COL28A1: variants seen among roughly 807,000 people sequenced by gnomAD.
COL28A1 encodes the protein collagen type XXVIII alpha 1 chain, also known as collagen alpha-1(XXVIII) chain.
A neutral mutation model predicts 150.2 loss-of-function variants in COL28A1; 161 were observed. The observed-to-expected ratio is 1.07, with a 90% CI of 0.94 to 1.22. COL28A1 has a LOEUF of 1.22. COL28A1 is among the 50% of genes most tolerant of loss of function. The probability of loss-of-function intolerance (pLI) is 0.00; values close to 1 mark genes in which losing one functional copy is unlikely to be tolerated. For missense variants in COL28A1, 1,617 were observed against 1,388.3 expected (o/e 1.16, Z -2.62); for synonymous variants, 552 against 469.7 (o/e 1.18, Z -2.26).
chr7:7,449,954 C>T (rs1418368024), intron 18 of COL28A1, among the ~76,000 whole-genome samples: 1 of 152,024 alleles, frequency 6.6e-6, no homozygotes, highest in East Asian at 1.9e-4. Context: ...AACCCTAAAA[C>T]ATGTATCTTA....
At chr7:7,518,833 C>T (rs1304226878) in intron 6 of COL28A1, among the ~76,000 whole-genome samples, 2 of 152,234 alleles carry the variant, frequency 1.3e-5, no homozygotes, top group African/African-American at 2.4e-5. Context: ...ATGTAAGTAT[C>T]ACTACTAAAG....
Position 7,381,550 on chromosome 7 carries a change from G to T in COL28A1, c.2199C>A (p.Gly733=). The T allele has an allele frequency of 6.2e-7, 1 of 1,612,868 alleles. No homozygotes were observed. Among genetic ancestry groups the T allele is most frequent in the Non-Finnish European group, 8.5e-7 (1 of 1,178,934 alleles). The part of the protein sequence containing the change: ...PKGTMGHGLP[G]QKGEHGERGD... ...AAGATCCTGAGACACTTACCTTCTGGCCTGGGAGGCCATGGCCCATTGTGC... is the reference window on the plus strand; with the variant it reads ...AAGATCCTGAGACACTTACCTTCTGTCCTGGGAGGCCATGGCCCATTGTGC... Residue 733 remains glycine, a synonymous_variant, in exon 28 of 35, where the codon GGC becomes GGA. Coordinates refer to ENST00000399429, the MANE Select transcript of COL28A1 (RefSeq NM_001037763.3).
At chr7:7,353,742 T>A (rs914854832), downstream of COL28A1, among the ~76,000 whole-genome samples, 5 of 152,108 alleles carry the variant, frequency 3.3e-5, no homozygotes, top group Non-Finnish European at 7.4e-5. Flanking sequence ...ACAACATGCT[T>A]CCATATCAGT....
intron 25 of COL28A1, among the ~76,000 whole-genome samples, chr7:7,425,616 A>G (rs1784610227): frequency 6.6e-6 from 1 of 152,182 alleles, no homozygotes; most frequent in African/African-American, 2.4e-5. Context: ...CTCTCTTCTT[A>G]TCCATCCTAC....
intron 27 of COL28A1, among the ~76,000 whole-genome samples, chr7:7,400,381 A>C (rs1041256022): frequency 6.6e-6 from 1 of 152,214 alleles, no homozygotes; most frequent in Non-Finnish European, 1.5e-5. Context: ...CAGACAGAAA[A>C]GATGGAAACC....
Position 7,426,253 on chromosome 7 carries a change from T to A in COL28A1, c.1998+6220A>T, listed in dbSNP as rs557467394. ...CAAAGTGATGATAGCAGCTGCCTTA[T>A]GTTTCTTTCTTTCTGGTTTTTAAAT... On this transcript the variant is annotated intron_variant, in intron 25 of 34. Coordinates refer to ENST00000399429, the MANE Select transcript of COL28A1 (RefSeq NM_001037763.3). Among the ~76,000 whole-genome samples the A allele has an allele frequency of 2.0e-5, 3 of 152,344 alleles. No individual in the cohort carries two copies. The South Asian group carries it at 6.2e-4, about 32-fold the overall frequency.
chr7:7,533,263 C>T (rs1005053119), intron 1 of COL28A1, among the ~76,000 whole-genome samples: 1 of 152,144 alleles, frequency 6.6e-6, no homozygotes, highest in African/African-American at 2.4e-5. Flanking sequence ...TCTGCTTTGA[C>T]ATTTCCAAAT....
intron 13 of COL28A1, 129 bp from the exon 14 acceptor site, chr7:7,477,309 T>C (rs1788978490): frequency 3.0e-6 from 2 of 660,322 alleles, no homozygotes; most frequent in South Asian, 1.8e-5. Flanking sequence ...AAATGGATAG[T>C]TGGATCTGTA....
chr7:7,487,212 G>A (rs184984480), intron 13 of COL28A1, among the ~76,000 whole-genome samples: 1 of 152,202 alleles, frequency 6.6e-6, no homozygotes, highest in East Asian at 1.9e-4. Flanking sequence ...TAAGTTTAGT[G>A]CTGAGTTTGG....
rs1784190100 is a variant in COL28A1 at position 7,417,867 on chromosome 7, CCT to C, written c.2126_2127del (p.Gln709ArgfsTer3). On this transcript the variant is annotated frameshift_variant, in exon 27 of 35. Coordinates refer to ENST00000399429, the MANE Select transcript of COL28A1 (RefSeq NM_001037763.3). LOFTEE classifies it high-confidence loss of function. ...CAACCCTATTCACTTACTTTAATTC[CCT>C]GTGATCCATAGCCAGGGGGGCCAGG... ...GPPGPPGYGS[Q>X]GIKGEQGPQG... 1.9e-6 allele frequency: 3 copies of C among 1,613,332 alleles called. No individual in the cohort carries two copies. Among genetic ancestry groups the C allele is most frequent in the Non-Finnish European group, 2.5e-6 (3 of 1,179,602 alleles).
chr7:7,375,414 T>C (rs1781489650), intron 31 of COL28A1, 47 bp downstream of exon 31: 1 of 1,535,974 alleles, frequency 6.5e-7, no homozygotes, highest in Non-Finnish European at 8.9e-7. Context: ...CAGTACATAG[T>C]GGGGCTGATG....
intron 13 of COL28A1, among the ~76,000 whole-genome samples, chr7:7,485,335 T>C (rs1203618937): frequency 1.3e-5 from 2 of 151,936 alleles, no homozygotes; most frequent in Non-Finnish European, 1.5e-5. Context: ...GTTTTGAGAA[T>C]TTTTTTTAAA....
chr7:7,339,375 G>A, the COL28A1 span, among the ~76,000 whole-genome samples: 2 of 152,050 alleles, frequency 1.3e-5, no homozygotes, highest in African/African-American at 4.8e-5. Flanking sequence ...CTCTGTATCT[G>A]TCCTGTTGTT....
chr7:7,353,077 A>G (rs1247043763), downstream of COL28A1, among the ~76,000 whole-genome samples: 2 of 152,216 alleles, frequency 1.3e-5, no homozygotes, highest in African/African-American at 4.8e-5. Flanking sequence ...AGTAAAAGGC[A>G]TTAGGTACCT....
chr7:7,345,038 G>C, the COL28A1 span, among the ~76,000 whole-genome samples: 1 of 151,824 alleles, frequency 6.6e-6, no homozygotes, highest in Non-Finnish European at 1.5e-5. Flanking sequence ...TTCGCCTGAA[G>C]AGGTGTCTGT....
Position 7,489,462 on chromosome 7 carries a change from G to A in COL28A1, c.1096-5C>T, listed in dbSNP as rs1457712054. The stretch of plus-strand genomic sequence containing the variant: ...TCCTTCTTGGCCTCTTTCTCCCTAA[G>A]AGAAAGAAATAATAGAATGAAAGCT... On this transcript the variant is annotated splice_region_variant and splice_polypyrimidine_tract_variant and intron_variant, in intron 12 of 34. Transcript: ENST00000399429. The A allele has an allele frequency of 1.6e-6, 2 of 1,232,190 alleles. No individual in the cohort carries two copies. 76.3% of individuals were successfully genotyped at this position (1,232,190 alleles called of 1,614,324 possible). A position where few individuals can be genotyped will look rare whatever the true frequency, so the allele number is the denominator to read the frequency against.
At chr7:7,523,458 G>A (rs562474611) in intron 4 of COL28A1, among the ~76,000 whole-genome samples, 62 of 147,708 alleles carry the variant, frequency 4.2e-4, no homozygotes, top group East Asian at 2.8e-3. Flanking sequence ...ATGCCTGGCC[G>A]TTTTTTTTTT....
intron 8 of COL28A1, 150 bp from the exon 9 acceptor site, chr7:7,511,285 G>T: frequency 1.7e-6 from 1 of 586,840 alleles, no homozygotes. Flanking sequence ...CAATACTGTG[G>T]GTTTTATGGG....
rs138915927 is a variant in COL28A1 at position 7,388,212 on chromosome 7, C to T, written c.2137-6600G>A. ...GGTGTGTGATGTTCCCCTCCCTGTA[C>T]CCATGTGTTCTCATTTTTCAACTCC... is the stretch of plus-strand genomic sequence containing the variant. On this transcript the variant is annotated intron_variant, in intron 27 of 34. Transcript: ENST00000399429. 2.2e-3 allele frequency among the ~76,000 whole-genome samples: 338 copies of T among 151,654 alleles called. 2 individuals carry two copies. Among genetic ancestry groups the T allele is most frequent in the Non-Finnish European group, 3.1e-3 (212 of 67,884 alleles).
Sources: gnomAD v4.1 joint callset for allele counts (sites outside exome capture counted in the v4.1 genomes callset) on GRCh38, gnomAD v4.1.1 for gene constraint, MANE v1.5 for transcripts, NCBI Gene and HGNC (gene_info 2026-07-23, HGNC 2026-07-21) for gene names.